SOX5: variants seen among roughly 807,000 people sequenced by gnomAD.
The protein encoded by SOX5 is transcription factor SOX-5.
Under a neutral mutation model 92.0 loss-of-function variants are expected in SOX5, and 9 were observed. The observed-to-expected ratio is 0.10, with a 90% CI of 0.06 to 0.17. SOX5 has a LOEUF of 0.17. SOX5 is among the 10% of genes least tolerant of loss of function. The pLI is 1.00. For synonymous variants in SOX5, 344 were observed against 336.3 expected, an observed-to-expected ratio of 1.02 and a Z score of -0.25; for missense variants, 642 against 944.5, an observed-to-expected ratio of 0.68 and a Z score of 4.20.
rs532746725 is a variant in SOX5, at chr12:23,800,922, A to G, written c.481+45061T>C. 2.2e-3 allele frequency among the ~76,000 whole-genome samples: 341 copies of G among 152,302 alleles called. 1 individual carries two copies. The highest frequency in any genetic ancestry group is 4.1e-3 in the Non-Finnish European group (279 of 68,026). ...ATGAAAAGCATTTGGTCACCTGGAG[A>G]ACTTGTTAAAACACAAACATACTGA... is the stretch of plus-strand genomic sequence containing the variant. On this transcript the variant is annotated intron_variant, in intron 3 of 14. Coordinates refer to ENST00000451604, the MANE Select transcript of SOX5 (RefSeq NM_006940.6).
chr12:23,788,712 A>G (rs1165679065), intron 3 of SOX5, among the ~76,000 whole-genome samples: 1 of 151,982 alleles, frequency 6.6e-6, no homozygotes, highest in African/African-American at 2.4e-5. Flanking sequence ...CAGATTTTAT[A>G]CAATTTGACA....
intron 4 of SOX5, among the ~76,000 whole-genome samples, chr12:24,075,136 G>T (rs1209195201): frequency 6.6e-6 from 1 of 151,620 alleles, no homozygotes; most frequent in East Asian, 1.9e-4. Flanking sequence ...GAGCGTGGTG[G>T]TGCTTGCTTG....
In SOX5 at chr12:24,380,154, C is replaced by T. The variant is rs182096686; in HGVS notation, c.-250-11515G>A. On this transcript the variant is annotated intron_variant, in intron 1 of 4. Transcript: ENST00000446891. ...TGCAAGAACCACCTCCATTGACACACGTAATTGTTTCGAAACAACAGACTC... is the reference window on the plus strand; with the variant it reads ...TGCAAGAACCACCTCCATTGACACATGTAATTGTTTCGAAACAACAGACTC... Among the ~76,000 whole-genome samples, 168 of 152,304 alleles carry T rather than the reference C, an allele frequency of 1.1e-3. 1 individual carries two copies. The highest frequency in any genetic ancestry group is 3.9e-3 in the African/African-American group (163 of 41,566).
At chr12:24,382,176 T>C (rs1957891268) in intron 1 of SOX5, among the ~76,000 whole-genome samples, 1 of 151,806 alleles carries the variant, frequency 6.6e-6, no homozygotes, top group African/African-American at 2.4e-5. Flanking sequence ...AGGAGAAAAA[T>C]TAAAGTAGGG....
At chr12:24,329,947 C>T (rs567138281) in intron 2 of SOX5, among the ~76,000 whole-genome samples, 9 of 152,126 alleles carry the variant, frequency 5.9e-5, no homozygotes, top group Non-Finnish European at 2.9e-5. Flanking sequence ...CACTTGAACC[C>T]GGGAGGCGGA....
At chr12:24,415,727 T>C (rs955720289) in intron 1 of SOX5, among the ~76,000 whole-genome samples, 5 of 152,206 alleles carry the variant, frequency 3.3e-5, no homozygotes, top group South Asian at 2.1e-4. Context: ...TCTCTGAGTA[T>C]GAAGTCAAAT....
intron 4 of SOX5, among the ~76,000 whole-genome samples, chr12:24,080,110 C>T (rs1233748297): frequency 6.6e-6 from 1 of 151,830 alleles, no homozygotes; most frequent in East Asian, 1.9e-4. Flanking sequence ...TTTCCTATTA[C>T]AATTTTTAGC....
chr12:23,937,018 T>C (rs1438880522), intron 1 of SOX5, among the ~76,000 whole-genome samples: 1 of 150,840 alleles, frequency 6.6e-6, no homozygotes, highest in South Asian at 2.1e-4. Flanking sequence ...TCTTTATACT[T>C]TCCTAAATCA....
chr12:24,543,203 C>T (rs1952303861), intron 1 of SOX5, among the ~76,000 whole-genome samples: 1 of 152,202 alleles, frequency 6.6e-6, no homozygotes, highest in Non-Finnish European at 1.5e-5. Flanking sequence ...TCAGCTGACT[C>T]ACCTCCATCT....
At chr12:23,671,041 C>T (rs1427261080) in intron 6 of SOX5, among the ~76,000 whole-genome samples, 2 of 152,028 alleles carry the variant, frequency 1.3e-5, no homozygotes, top group Admixed American at 1.3e-4. Context: ...GAACAATAGG[C>T]TTTGGGCTTA....
chr12:24,193,263 A>T (rs926340669), intron 4 of SOX5, among the ~76,000 whole-genome samples: 13 of 152,238 alleles, frequency 8.5e-5, no homozygotes, highest in African/African-American at 2.7e-4. Context: ...CTACAGTTAA[A>T]ATCCTCTTGC....
At chr12:23,734,612 T>A in intron 6 of SOX5, 72 bp downstream of exon 6, 1 of 1,097,628 alleles carries the variant, frequency 9.1e-7, no homozygotes, top group Non-Finnish European at 1.3e-6. Context: ...TCATTTCAGT[T>A]AGGTATTTAA....
At position 23,546,329 on chromosome 12, in the gene SOX5, A is replaced by T. The variant is rs1187314840; in HGVS notation, c.1584T>A (p.Ser528Arg). Residue 528 changes from serine (S) to arginine (R), a missense_variant, in exon 12 of 15, where the codon AGT (serine) becomes AGA (arginine). Physicochemically the swap from Ser to Arg is moderately radical, Grantham distance 110. Transcript: ENST00000451604. ...ATTTTCACAAACCATCAGAATCTCC[A>T]CTCAGATTGAAATCCATCATTGCAT... Reference protein sequence around the residue: ...FSHAMMDFNLSGDSDGSAGVS... With the variant: ...FSHAMMDFNLRGDSDGSAGVS... 9 of 1,564,222 alleles carry T rather than the reference A, an allele frequency of 5.8e-6. No individual in the cohort carries two copies. Among genetic ancestry groups the T allele is most frequent in the Non-Finnish European group, 8.8e-7 (1 of 1,136,524 alleles).
chr12:23,896,833 G>GA (rs1404799729), intron 1 of SOX5, among the ~76,000 whole-genome samples: 2 of 151,118 alleles, frequency 1.3e-5, no homozygotes, highest in African/African-American at 4.9e-5. Context: ...TTAAATAAAA[G>GA]AAAAAAACCC....
chr12:24,172,496 G>T (rs1954315538), intron 4 of SOX5, among the ~76,000 whole-genome samples: 1 of 152,046 alleles, frequency 6.6e-6, no homozygotes, highest in South Asian at 2.1e-4. Flanking sequence ...CTGTGTTCGT[G>T]TCATTGCACT....
chr12:23,916,355 A>C (rs1386847754), intron 1 of SOX5, among the ~76,000 whole-genome samples: 1 of 152,216 alleles, frequency 6.6e-6, no homozygotes, highest in East Asian at 1.9e-4. Context: ...GAAAATCAAT[A>C]GAAAATGTGC....
In SOX5 at chr12:23,839,254, C is replaced by T. The variant is rs372981796; in HGVS notation, c.481+6729G>A. ...TACTCATGGGGATTGGCATGTCATA[C>T]ACTTCCAAATTAAGAGTCTATGTAT... On this transcript the variant is annotated intron_variant, in intron 3 of 14. Coordinates refer to ENST00000451604, the MANE Select transcript of SOX5 (RefSeq NM_006940.6). Among the ~76,000 whole-genome samples the T allele has an allele frequency of 3.9e-5, 6 of 152,134 alleles. No homozygotes were observed. The East Asian group carries it at 1.2e-3, about 29-fold the overall frequency.
intron 1 of SOX5, among the ~76,000 whole-genome samples, chr12:23,924,816 T>G (rs1206606122): frequency 1.3e-5 from 2 of 151,824 alleles, no homozygotes; most frequent in African/African-American, 4.9e-5. Flanking sequence ...GTCAGTATTT[T>G]TAACTGAAAA....
chr12:24,488,371 T>C (rs763574682), intron 1 of SOX5, among the ~76,000 whole-genome samples: 1 of 152,148 alleles, frequency 6.6e-6, no homozygotes, highest in South Asian at 2.1e-4. Context: ...GGAGGATTGC[T>C]TGAGGCCGGG....
Sources: allele counts gnomAD v4.1 joint callset (sites outside exome capture counted in the v4.1 genomes callset), GRCh38; gene constraint gnomAD v4.1.1; transcripts MANE v1.5; gene names NCBI Gene and HGNC (gene_info 2026-07-23, HGNC 2026-07-21).